Variants in MYH14 observed in about 807,000 individuals in gnomAD.
MYH14 encodes myosin-14.
MYH14 carries 123 observed loss-of-function variants against 255.5 expected under a neutral mutation model. The ratio of observed to expected loss-of-function variants is 0.48; its 90% CI spans 0.42 to 0.56. MYH14 has a LOEUF of 0.56. Ranked by LOEUF, MYH14 falls within the 20% of genes least tolerant of loss-of-function variation. The probability of loss-of-function intolerance (pLI) is 0.00; values close to 1 mark genes in which losing one functional copy is unlikely to be tolerated. For missense variants in MYH14, 2,423 were observed against 2,802.3 expected (o/e 0.86, Z 3.06); for synonymous variants, 1,095 against 1,161.2 (o/e 0.94, Z 1.16).
At chr19:50,218,768 C>T (rs1229451903) in intron 3 of MYH14, among the ~76,000 whole-genome samples, 1 of 151,920 alleles carries the variant, frequency 6.6e-6, no homozygotes, top group Non-Finnish European at 1.5e-5. Context: ...CCCCACTACC[C>T]TTCACCCTGA....
intron 20 of MYH14, 95 bp downstream of exon 20, chr19:50,260,810 C>CGT: frequency 2.3e-6 from 2 of 882,850 alleles, no homozygotes; most frequent in South Asian, 1.4e-5. Flanking sequence ...TGTGTGCATG[C>CGT]GTGTGTGTGC....
At chr19:50,288,370 G>C (rs2035960882) in intron 34 of MYH14, among the ~76,000 whole-genome samples, 1 of 152,144 alleles carries the variant, frequency 6.6e-6, no homozygotes, top group Admixed American at 6.5e-5. Flanking sequence ...CTCTCTCCCT[G>C]ACACAGACCT....
intron 40 of MYH14, among the ~76,000 whole-genome samples, chr19:50,303,152 T>A (rs1180470159): frequency 6.6e-6 from 1 of 152,188 alleles, no homozygotes; most frequent in Non-Finnish European, 1.5e-5. Context: ...GGCTAGTAAG[T>A]TCTGCTCATT....
chr19:50,279,239 A>G (rs1004287879), intron 30 of MYH14, among the ~76,000 whole-genome samples: 1 of 152,144 alleles, frequency 6.6e-6, no homozygotes, highest in Non-Finnish European at 1.5e-5. Context: ...CCTACTATAT[A>G]TGGGTGGCCT....
chr19:50,293,618 G>A lies in MYH14; in HGVS notation c.5400G>A (p.Glu1800=). ...TGGAGGGGCGCCTGGGGCAGTTGGA[G>A]GAAGAGCTGGAGGAGGAGCAGAGCA... The part of the protein sequence containing the change: ...RQLEGRLGQL[E]EELEEEQSNS... The change falls in exon 39 of 43, where the codon GAG becomes GAA. Residue 1800 remains glutamate (E), a synonymous_variant. Coordinates refer to ENST00000642316, the MANE Select transcript of MYH14 (RefSeq NM_001145809.2). The surrounding 1 kb of genome is among the most constrained non-coding windows in gnomAD (Gnocchi z 4.1). 6.2e-7 allele frequency: 1 copy of A among 1,612,886 alleles called. No homozygotes were observed. Among genetic ancestry groups the A allele is most frequent in the African/African-American group, 1.3e-5 (1 of 75,028 alleles).
intron 18 of MYH14, 128 bp downstream of exon 18, chr19:50,257,614 C>A: frequency 1.1e-6 from 1 of 933,914 alleles, no homozygotes; most frequent in Non-Finnish European, 1.7e-6. Flanking sequence ...GAGCAAATTG[C>A]TTCTATTCCT....
At chr19:50,284,428 A>G (rs542158240) in intron 33 of MYH14, among the ~76,000 whole-genome samples, 120 of 151,854 alleles carry the variant, frequency 7.9e-4, no homozygotes, top group African/African-American at 2.8e-3. Context: ...GTGCAGTGGC[A>G]TGATCTTGGC....
chr19:50,300,963 A>C (rs546333912), intron 39 of MYH14, among the ~76,000 whole-genome samples: 15 of 151,470 alleles, frequency 9.9e-5, no homozygotes, highest in Admixed American at 1.3e-4. Context: ...AAAAAAAAAA[A>C]CCCCACAAAG....
chr19:50,251,329 A>G (rs1196382134), intron 15 of MYH14, among the ~76,000 whole-genome samples: 2 of 152,142 alleles, frequency 1.3e-5, no homozygotes, highest in African/African-American at 4.8e-5. Context: ...CAGATAATAC[A>G]TAAGTATCTT....
intron 10 of MYH14, among the ~76,000 whole-genome samples, chr19:50,237,042 G>T (rs560681881): frequency 6.6e-5 from 10 of 152,270 alleles, no homozygotes; most frequent in African/African-American, 2.4e-4. Flanking sequence ...GTGAAATCAT[G>T]CCGTATATGA....
At chr19:50,301,353 C>G (rs1278630686) in intron 39 of MYH14, among the ~76,000 whole-genome samples, 1 of 152,154 alleles carries the variant, frequency 6.6e-6, no homozygotes, top group Non-Finnish European at 1.5e-5. Context: ...TTAGAATGGA[C>G]TCATTCACAG....
At chr19:50,225,511 C>A in intron 6 of MYH14, 74 bp from the exon 7 acceptor site, 1 of 1,186,302 alleles carries the variant, frequency 8.4e-7, no homozygotes, top group Non-Finnish European at 1.2e-6. Flanking sequence ...GCTGGAGACA[C>A]AGCCCGAGCT....
intron 26 of MYH14, among the ~76,000 whole-genome samples, chr19:50,272,278 G>A (rs529924838): frequency 9.5e-4 from 144 of 152,196 alleles, no homozygotes; most frequent in African/African-American, 3.3e-3. Flanking sequence ...GAAACAGAAG[G>A]GAAGGGGCAC....
chr19:50,253,425 A>C (rs901064403), intron 16 of MYH14, among the ~76,000 whole-genome samples: 23 of 150,496 alleles, frequency 1.5e-4, no homozygotes, highest in African/African-American at 5.4e-4. Context: ...CCTGGGTGAC[A>C]GTGTGAGACT....
rs56892199 is a variant in MYH14 at position 50,250,962 on chromosome 19, A to C, written c.1830+274A>C. On this transcript the variant is annotated intron_variant, in intron 15 of 42. Coordinates refer to ENST00000642316, the MANE Select transcript of MYH14 (RefSeq NM_001145809.2). The surrounding 1 kb of genome is among the most constrained non-coding windows in gnomAD (Gnocchi z 5.4). ...TGTGCATTTTATCCACTTATTCAGC[A>C]GATATGTGCGGGGTGCCATTTGTGT... Among the ~76,000 whole-genome samples the C allele has an allele frequency of 0.073, 11,060 of 152,254 alleles. 528 individuals carry two copies. Among genetic ancestry groups the C allele is most frequent in the Admixed American group, 0.13 (1,956 of 15,292 alleles).
At chr19:50,213,350 G>T (rs931614043) in intron 2 of MYH14, among the ~76,000 whole-genome samples, 1 of 152,176 alleles carries the variant, frequency 6.6e-6, no homozygotes, top group Non-Finnish European at 1.5e-5. Context: ...CCTCAGACTA[G>T]GGGGCAGGAT....
In MYH14 at chr19:50,276,541, G is replaced by T. The variant is rs1295440594; in HGVS notation, c.3681-216G>T. 1.3e-5 allele frequency among the ~76,000 whole-genome samples: 2 copies of T among 152,166 alleles called. No individual in the cohort carries two copies. Among genetic ancestry groups the T allele is most frequent in the African/African-American group, 4.8e-5 (2 of 41,442 alleles). On this transcript the variant is annotated intron_variant, in intron 28 of 42. Transcript: ENST00000642316. This position sits in a 1 kb window ranked among gnomAD's most constrained non-coding sequence, Gnocchi z 4.3. Reference sequence around the variant, plus strand: ...GGAGATCCAGGAAGACTTTCCTGAGGAAGGGCCTTTTGGAAAAGGGTTTTG... The same window carrying T: ...GGAGATCCAGGAAGACTTTCCTGAGTAAGGGCCTTTTGGAAAAGGGTTTTG...
chr19:50,254,304 G>A (rs929305989), intron 16 of MYH14, among the ~76,000 whole-genome samples: 1 of 152,152 alleles, frequency 6.6e-6, no homozygotes, highest in Admixed American at 6.6e-5. Flanking sequence ...AAACAGCATG[G>A]AGGGTCTTGA....
chr19:50,219,052 CTCTA>C (rs1600870687), intron 3 of MYH14, among the ~76,000 whole-genome samples: 2 of 143,328 alleles, frequency 1.4e-5, no homozygotes, highest in East Asian at 4.3e-4. Flanking sequence ...TACTCTCTCT[CTCTA>C]TATATATATA....
Sources: gnomAD v4.1 joint callset for allele counts (sites outside exome capture counted in the v4.1 genomes callset) on GRCh38, gnomAD v4.1.1 for gene constraint, Gnocchi (gnomAD v3.1) non-coding constraint, MANE v1.5 for transcripts, NCBI Gene and HGNC (gene_info 2026-07-23, HGNC 2026-07-21) for gene names.